Variants in APOL2 observed in about 807,000 individuals in gnomAD.
The protein encoded by APOL2 is apolipoprotein L2, also known as apolipoprotein L, 2.
APOL2 carries 8 observed loss-of-function variants against 7.1 expected under a neutral mutation model. The ratio of observed to expected loss-of-function variants is 1.12; its 90% CI spans 0.66 to 2.03. The LOEUF (loss-of-function observed/expected upper bound fraction) is 2.03. Ranked by LOEUF, APOL2 falls within the 30% of genes most tolerant of loss-of-function variation. APOL2 has a pLI of 0.00. For missense variants in APOL2, 471 were observed against 415.1 expected, an observed-to-expected ratio of 1.13 and a Z score of -1.17; for synonymous variants, 177 against 159.9, an observed-to-expected ratio of 1.11 and a Z score of -0.81.
chr22:36,227,990 C>T lies in APOL2; in HGVS notation c.428G>A (p.Gly143Glu). Residue 143 changes from glycine (G) to glutamate (E), a missense_variant, in exon 5 of 5, where the codon GGA becomes GAA. Physicochemically the swap from Gly to Glu is moderately conservative, Grantham distance 98 (BLOSUM62 -2). Coordinates refer to ENST00000358502, the MANE Select transcript of APOL2 (RefSeq NM_030882.4). ...LGLGLAPFTE[G>E]ISFVLLDTGM... is the part of the protein sequence containing the mutation. ...AGTGTCCAAGAGCACAAAACTGATT[C>T]CTTCTGTGAAGGGTGCCAGACCCAG... The T allele has an allele frequency of 6.2e-7, 1 of 1,614,226 alleles. No homozygotes were observed. The highest frequency in any genetic ancestry group is 8.5e-7 in the Non-Finnish European group (1 of 1,180,040).
chr22:36,229,629 G>T (rs1179964525), intron 4 of APOL2, among the ~76,000 whole-genome samples: 1 of 152,206 alleles, frequency 6.6e-6, no homozygotes, highest in Non-Finnish European at 1.5e-5. Context: ...AGTTTTCAGT[G>T]AGTTACGTGA....
At position 36,226,381 on chromosome 22, in the gene APOL2, G is replaced by C. The variant is rs45590338; in HGVS notation, c.*1023C>G. ...GACTGTTTTCATTGGTTGGTTCTCA[G>C]ATACTCTCTGGGAAGTTTGGGTTCT... is the stretch of plus-strand genomic sequence containing the variant. On this transcript the variant is annotated 3_prime_UTR_variant, in exon 5 of 5. Coordinates refer to ENST00000358502, the MANE Select transcript of APOL2 (RefSeq NM_030882.4). 3,602 of 152,418 alleles carry C rather than the reference G, an allele frequency of 0.024. 64 individuals are homozygous for C. The highest frequency in any genetic ancestry group is 0.051 in the South Asian group (248 of 4,830). 9.4% of individuals were successfully genotyped at this position (152,418 alleles called of 1,614,324 possible).
chr22:36,235,925 G>A lies in APOL2; in HGVS notation c.-133-2470C>T, dbSNP rs1022186780. Among the ~76,000 whole-genome samples the A allele has an allele frequency of 3.3e-5, 5 of 152,014 alleles. 1 individual carries two copies. In the South Asian group the frequency reaches 8.3e-4, roughly 25 times the overall value. On this transcript the variant is annotated intron_variant, in intron 1 of 4. Transcript: ENST00000358502. ...GGGACATGCAGTAGGCCTACAAAAC[G>A]ACCAGTCCAGGATGGAATAAAAAGG...
At position 36,233,100 on chromosome 22, in the gene APOL2, C is replaced by T. The variant is rs892076373; in HGVS notation, c.10+53G>A. 9 of 1,571,348 alleles carry T rather than the reference C, an allele frequency of 5.7e-6. 1 individual carries two copies. The highest frequency in any genetic ancestry group is 7.0e-6 in the Non-Finnish European group (8 of 1,141,782). On this transcript the variant is annotated intron_variant, in intron 3 of 4. Coordinates refer to ENST00000358502, the MANE Select transcript of APOL2 (RefSeq NM_030882.4). The stretch of plus-strand genomic sequence containing the variant: ...GCTCACTCAGCTGTGGAGGTGCCAC[C>T]CTCCATTCTAGGTGCGAGTAGGAAC...
At chr22:36,239,148 G>A (rs1447005581) in intron 1 of APOL2, 16 of 1,216,976 alleles carry the variant, frequency 1.3e-5, no homozygotes, top group Admixed American at 4.0e-5. Context: ...TTCTTCTGGG[G>A]TCAGCTGGCC....
chr22:36,239,838 C>T, upstream of APOL2: 1 of 330,810 alleles, frequency 3.0e-6, no homozygotes, highest in Non-Finnish European at 5.7e-6. Context: ...ATCTGAGCCG[C>T]TTGCCCCCCA....
chr22:36,232,207 A>G (rs1022894818), intron 3 of APOL2, among the ~76,000 whole-genome samples: 3 of 152,266 alleles, frequency 2.0e-5, no homozygotes, highest in African/African-American at 7.2e-5. Flanking sequence ...TCATCATAAC[A>G]TGAAGCCTCT....
At chr22:36,230,015 C>G (rs1174983181) in intron 4 of APOL2, among the ~76,000 whole-genome samples, 1 of 152,236 alleles carries the variant, frequency 6.6e-6, no homozygotes, top group East Asian at 1.9e-4. Context: ...CTAACTGATG[C>G]CTTAGCAGTG....
intron 1 of APOL2, chr22:36,236,804 G>C (rs573574469): frequency 7.2e-6 from 8 of 1,117,164 alleles, no homozygotes; most frequent in Non-Finnish European, 8.7e-6. Flanking sequence ...GGGCCCCTAC[G>C]CAGCAAGACT....
At chr22:36,236,869 A>G in intron 1 of APOL2, 1 of 1,258,004 alleles carries the variant, frequency 7.9e-7, no homozygotes, top group Non-Finnish European at 1.0e-6. Flanking sequence ...GCAGAGGGGC[A>G]TCTGGACACT....
At chr22:36,233,678 A>C (rs1432238364) in intron 1 of APOL2, among the ~76,000 whole-genome samples, 3 of 152,160 alleles carry the variant, frequency 2.0e-5, no homozygotes, top group Admixed American at 6.5e-5. Flanking sequence ...CACACACAGG[A>C]CAGGAGATGG....
At chr22:36,233,562 C>T (rs1003882582) in intron 1 of APOL2, 107 bp from the exon 2 acceptor site, 94 of 1,034,560 alleles carry the variant, frequency 9.1e-5, no homozygotes, top group Non-Finnish European at 1.3e-4. Flanking sequence ...AACATTCTGA[C>T]AATGACCTGG....
chr22:36,229,557 C>T (rs2015146057), intron 4 of APOL2, among the ~76,000 whole-genome samples: 1 of 152,216 alleles, frequency 6.6e-6, no homozygotes, highest in Non-Finnish European at 1.5e-5. Flanking sequence ...CTGTGTGTCT[C>T]TTCCTTAGGC....
intron 1 of APOL2, among the ~76,000 whole-genome samples, chr22:36,236,055 A>G (rs2015394481): frequency 6.6e-6 from 1 of 152,232 alleles, no homozygotes; most frequent in South Asian, 2.1e-4. Flanking sequence ...GGGAGGAAAA[A>G]AAACAAAGGC....
chr22:36,231,811 C>T (rs900754367), intron 3 of APOL2, among the ~76,000 whole-genome samples: 6 of 152,146 alleles, frequency 3.9e-5, no homozygotes, highest in South Asian at 2.1e-4. Context: ...AGGCAGCTGC[C>T]GCAAGCCAGC....
In APOL2 at chr22:36,227,625, C is replaced by A. The variant is rs73885303; in HGVS notation, c.793G>T (p.Ala265Ser). The change falls in exon 5 of 5, where the codon GCC (alanine) becomes TCC (serine). Residue 265 changes from alanine (A) to serine (S), a missense_variant. Physicochemically the swap from Ala to Ser is moderately conservative, Grantham distance 99. Coordinates refer to ENST00000358502, the MANE Select transcript of APOL2 (RefSeq NM_030882.4). ...ATGGTTCCTCTGCTCATTGCCTGGG[C>A]GGGGCCTTCAACAACCCTCTCAACC... ...EQVERVVEGPAQAMSRGTMIV... is the reference protein window; with the variant it reads ...EQVERVVEGPSQAMSRGTMIV... The A allele has an allele frequency of 1.9e-6, 3 of 1,614,080 alleles. No homozygotes were observed. Among genetic ancestry groups the A allele is most frequent in the Non-Finnish European group, 2.5e-6 (3 of 1,180,022 alleles).
In APOL2 at chr22:36,239,368, T is replaced by A; in HGVS notation, c.-134+73A>T. The A allele has an allele frequency of 2.1e-6, 3 of 1,441,086 alleles. No homozygotes were observed. The African/African-American group carries it at 4.2e-5, about 20-fold the overall frequency. 89.3% of individuals were successfully genotyped at this position (1,441,086 alleles called of 1,614,324 possible). A position where few individuals can be genotyped will look rare whatever the true frequency, so the allele number is the denominator to read the frequency against. On this transcript the variant is annotated intron_variant, in intron 1 of 4. Coordinates refer to ENST00000358502, the MANE Select transcript of APOL2 (RefSeq NM_030882.4). ...CCTCTCTGAGCTTATCTACAAAAGC[T>A]GAATGATCCTTCCCTTATAGAGCTA...
chr22:36,236,785 T>C lies in APOL2; in HGVS notation c.-134+2656A>G, dbSNP rs1371114089. On this transcript the variant is annotated intron_variant, in intron 1 of 4. Coordinates refer to ENST00000358502, the MANE Select transcript of APOL2 (RefSeq NM_030882.4). Reference sequence around the variant, plus strand: ...TTCAGGGTCGAGGCATCCAGATATCTGTCTTCTGGGGCCCCTACGCAGCAA... The same window carrying C: ...TTCAGGGTCGAGGCATCCAGATATCCGTCTTCTGGGGCCCCTACGCAGCAA... 2.7e-6 allele frequency: 3 copies of C among 1,093,870 alleles called. No individual in the cohort carries two copies. In the African/African-American group the frequency reaches 4.9e-5, roughly 18 times the overall value. The allele number at this position is 1,093,870 out of a possible 1,614,324, so 67.8% of individuals were successfully genotyped here. A position where few individuals can be genotyped will look rare whatever the true frequency, so the allele number is the denominator to read the frequency against.
chr22:36,234,187 A>C (rs970500483), intron 1 of APOL2: 1 of 152,262 alleles, frequency 6.6e-6, no homozygotes, highest in Non-Finnish European at 1.5e-5. Flanking sequence ...TACTTTTAAG[A>C]GTAGAATGAC....
Sources: gnomAD v4.1 joint callset for allele counts (sites outside exome capture counted in the v4.1 genomes callset) on GRCh38, gnomAD v4.1.1 for gene constraint, MANE v1.5 for transcripts, NCBI Gene and HGNC (gene_info 2026-07-23, HGNC 2026-07-21) for gene names.